The following DIAPH1 variants were observed in gnomAD, a reference collection of about 807,000 sequenced individuals.
DIAPH1 encodes protein diaphanous homolog 1.
A neutral mutation model predicts 140.7 loss-of-function variants in DIAPH1; 46 were observed. That is an observed-to-expected ratio of 0.33 (90% CI 0.26 to 0.42). The LOEUF is 0.42. Ranked by LOEUF, DIAPH1 falls within the 10% of genes least tolerant of loss-of-function variation. The pLI, the probability that DIAPH1 is intolerant of heterozygous loss-of-function variation, is 1.00. For synonymous variants in DIAPH1, 565 were observed against 551.6 expected (o/e 1.02, Z -0.34); for missense variants, 1,310 against 1,558.7 (o/e 0.84, Z 2.69).
At chr5:141,542,669 G>C (rs2099890183) in intron 18 of DIAPH1, among the ~76,000 whole-genome samples, 1 of 152,132 alleles carries the variant, frequency 6.6e-6, no homozygotes. Context: ...GACACACATA[G>C]ACTGGTGATT....
At chr5:141,547,780 G>C (rs2099891039) in intron 18 of DIAPH1, among the ~76,000 whole-genome samples, 1 of 152,148 alleles carries the variant, frequency 6.6e-6, no homozygotes, top group Admixed American at 6.5e-5. Context: ...GTATTTTTCA[G>C]AAGTGATGAA....
intron 18 of DIAPH1, among the ~76,000 whole-genome samples, chr5:141,550,807 C>T (rs1256262879): frequency 6.6e-6 from 1 of 152,100 alleles, no homozygotes; most frequent in Non-Finnish European, 1.5e-5. Flanking sequence ...TCATTTCAAA[C>T]CTGCTTGAGA....
At chr5:141,606,296 A>G (rs2099900946) in intron 1 of DIAPH1, among the ~76,000 whole-genome samples, 1 of 152,248 alleles carries the variant, frequency 6.6e-6, no homozygotes, top group Non-Finnish European at 1.5e-5. Context: ...ATTAAAGATC[A>G]TATTAATAGA....
intron 18 of DIAPH1, among the ~76,000 whole-genome samples, chr5:141,539,090 C>T (rs901974788): frequency 6.6e-6 from 1 of 151,762 alleles, no homozygotes; most frequent in Admixed American, 6.6e-5. Context: ...GCTTGACCAA[C>T]ATGGTGAAAC....
intron 1 of DIAPH1, among the ~76,000 whole-genome samples, chr5:141,617,742 C>CA (rs1050806640): frequency 6.6e-6 from 1 of 151,968 alleles, no homozygotes; most frequent in Non-Finnish European, 1.5e-5. Context: ...GCTTTTATAG[C>CA]AAAAAAGCAA....
chr5:141,614,803 T>C (rs1008558683), intron 1 of DIAPH1, among the ~76,000 whole-genome samples: 4 of 123,992 alleles, frequency 3.2e-5, no homozygotes, highest in East Asian at 4.1e-4. Flanking sequence ...AATCCTTGCG[T>C]TCATCATCTG....
intron 12 of DIAPH1, 127 bp downstream of exon 12, chr5:141,577,348 C>G: frequency 1.3e-6 from 1 of 778,334 alleles, no homozygotes; most frequent in East Asian, 2.5e-5. Flanking sequence ...ATATCGGTGA[C>G]TAATGAACCC....
At chr5:141,599,489 C>T (rs1211868516) in intron 1 of DIAPH1, among the ~76,000 whole-genome samples, 1 of 152,204 alleles carries the variant, frequency 6.6e-6, no homozygotes, top group African/African-American at 2.4e-5. Context: ...GGCCCAGGAT[C>T]CCTGGGAACT....
intron 18 of DIAPH1, chr5:141,560,875 T>C (rs931829736): frequency 2.4e-5 from 11 of 452,250 alleles, no homozygotes; most frequent in African/African-American, 4.1e-5. Flanking sequence ...GTTTTCGTCA[T>C]ACTGCTGTTT....
intron 1 of DIAPH1, among the ~76,000 whole-genome samples, chr5:141,590,880 C>T (rs2154596814): frequency 6.6e-6 from 1 of 152,248 alleles, no homozygotes; most frequent in South Asian, 2.1e-4. Flanking sequence ...TTTACTCCAA[C>T]AGCCTCCTAA....
intron 18 of DIAPH1, among the ~76,000 whole-genome samples, chr5:141,547,165 T>C (rs1283104505): frequency 6.6e-6 from 1 of 152,196 alleles, no homozygotes; most frequent in African/African-American, 2.4e-5. Context: ...ATCAGAGAAG[T>C]AGAATTTACT....
At chr5:141,610,684 T>C (rs1459251174) in intron 1 of DIAPH1, among the ~76,000 whole-genome samples, 2 of 151,800 alleles carry the variant, frequency 1.3e-5, no homozygotes, top group Non-Finnish European at 2.9e-5. Flanking sequence ...ACTCCTGACC[T>C]CGTGATCTGC....
At chr5:141,609,347 G>C (rs113369233) in intron 1 of DIAPH1, among the ~76,000 whole-genome samples, 3,407 of 152,212 alleles carry the variant, frequency 0.022, 113 homozygotes, top group African/African-American at 0.066. Flanking sequence ...GCAGTGAATA[G>C]TTACACTGCA....
At chr5:141,606,693 G>T (rs2099901024) in intron 1 of DIAPH1, among the ~76,000 whole-genome samples, 1 of 152,100 alleles carries the variant, frequency 6.6e-6, no homozygotes, top group Non-Finnish European at 1.5e-5. Flanking sequence ...AAAGTTGATA[G>T]CCTTACACTA....
intron 1 of DIAPH1, among the ~76,000 whole-genome samples, chr5:141,610,926 GAAAA>G (rs2099901734): frequency 6.8e-6 from 1 of 147,860 alleles, no homozygotes; most frequent in Non-Finnish European, 1.5e-5. Context: ...AAAAAAAAAA[GAAAA>G]AGAAAAAAAT....
At chr5:141,529,952 T>C (rs542644646) in intron 19 of DIAPH1, among the ~76,000 whole-genome samples, 6 of 152,188 alleles carry the variant, frequency 3.9e-5, no homozygotes, top group African/African-American at 1.4e-4. Context: ...GGCGTGGTGG[T>C]GTGCACCTGT....
At chr5:141,540,932 C>T (rs1259413123) in intron 18 of DIAPH1, among the ~76,000 whole-genome samples, 7 of 152,060 alleles carry the variant, frequency 4.6e-5, no homozygotes, top group Middle Eastern at 3.2e-3. Flanking sequence ...TGGTGGCACT[C>T]GCCTATGGTC....
intron 4 of DIAPH1, 119 bp downstream of exon 4, chr5:141,584,005 T>TA (rs2099897172): frequency 2.8e-6 from 2 of 701,938 alleles, no homozygotes; most frequent in Non-Finnish European, 5.2e-6. Context: ...CAGGCTTATA[T>TA]AATGGAATGA....
At position 141,579,181 on chromosome 5, in the gene DIAPH1, C is replaced by T. The variant is rs1344655686; in HGVS notation, c.840G>A (p.Leu280=). ...PQPEDMNERV[L]EAMTERAEMD... ...TCTCAGCTCTTTCTGTCATTGCCTC[C>T]AAAACCCTTTCATTCCTGCCCAAGA... is the stretch of plus-strand genomic sequence containing the variant. The change falls in exon 9 of 28, where the codon TTG becomes TTA. Residue 280 remains leucine (L), a synonymous_variant. Transcript: ENST00000389054. 5 of 1,613,932 alleles carry T rather than the reference C, an allele frequency of 3.1e-6. No individual in the cohort carries two copies. The highest frequency in any genetic ancestry group is 1.3e-5 in the African/African-American group (1 of 74,936).
Sources: gnomAD v4.1 joint callset for allele counts (sites outside exome capture counted in the v4.1 genomes callset) on GRCh38, gnomAD v4.1.1 for gene constraint, MANE v1.5 for transcripts, NCBI Gene and HGNC (gene_info 2026-07-23, HGNC 2026-07-21) for gene names.